The following PCCA variants were observed in gnomAD, a reference collection of about 807,000 sequenced individuals.
PCCA encodes the protein propionyl-CoA carboxylase alpha chain, mitochondrial.
In PCCA, 74 loss-of-function variants were observed where a neutral mutation model predicts 101.3. The ratio of observed to expected loss-of-function variants is 0.73; its 90% CI spans 0.61 to 0.89. The LOEUF is 0.89. Among genes scored for constraint, PCCA ranks in the 40% least tolerant of loss-of-function variants. PCCA has a pLI of 0.00. For synonymous variants in PCCA, 294 were observed against 313.6 expected (o/e 0.94, Z 0.66); for missense variants, 891 against 907.0 (o/e 0.98, Z 0.23).
rs965243149 is a variant in PCCA, at chr13:100,330,622, A to G, written c.1491A>G (p.Gly497=). Residue 497 remains glycine, a synonymous_variant, in exon 17 of 24, where the codon GGA becomes GGG. Coordinates refer to ENST00000376285, the MANE Select transcript of PCCA (RefSeq NM_000282.4). ...TAATCAACTCACGCTTTGTAAAAGG[A>G]GACATCAGCACTAAATTTCTCTCCG... The part of the protein sequence containing the change: ...EVIINSRFVK[G]DISTKFLSDV... 22 of 1,613,012 alleles carry G rather than the reference A, an allele frequency of 1.4e-5. No individual in the cohort carries two copies. Among genetic ancestry groups the G allele is most frequent in the Non-Finnish European group, 1.8e-5 (21 of 1,179,158 alleles).
chr13:100,261,350 T>G (rs1457990794), intron 9 of PCCA, among the ~76,000 whole-genome samples: 2 of 150,722 alleles, frequency 1.3e-5, no homozygotes, highest in African/African-American at 4.9e-5. Flanking sequence ...AAGTTTGGGT[T>G]TTTTTTTTAA....
intron 21 of PCCA, among the ~76,000 whole-genome samples, chr13:100,459,027 G>T (rs1370763949): frequency 6.6e-6 from 1 of 152,150 alleles, no homozygotes; most frequent in Non-Finnish European, 1.5e-5. Flanking sequence ...GGGAGGGTCT[G>T]TTCTGTGCCT....
chr13:100,198,750 C>T (rs1250074734), intron 6 of PCCA, among the ~76,000 whole-genome samples: 2 of 151,928 alleles, frequency 1.3e-5, no homozygotes, highest in African/African-American at 2.4e-5. Flanking sequence ...CTGCCCGCCT[C>T]GGCCTCCCAA....
intron 4 of PCCA, among the ~76,000 whole-genome samples, chr13:100,125,441 A>C (rs2049865912): frequency 6.6e-6 from 1 of 152,178 alleles, no homozygotes; most frequent in South Asian, 2.1e-4. Flanking sequence ...TACTGCATTT[A>C]ATGGGAAGGG....
At chr13:100,125,145 G>A (rs2049832010) in intron 4 of PCCA, among the ~76,000 whole-genome samples, 1 of 151,870 alleles carries the variant, frequency 6.6e-6, no homozygotes, top group South Asian at 2.1e-4. Flanking sequence ...TTGTGTGTGT[G>A]TGTGTGTGTG....
chr13:100,438,777 C>T (rs2080127922), intron 20 of PCCA, among the ~76,000 whole-genome samples: 1 of 151,810 alleles, frequency 6.6e-6, no homozygotes, highest in African/African-American at 2.4e-5. Flanking sequence ...TTGCCTTATT[C>T]TTTGGTTTCT....
intron 12 of PCCA, among the ~76,000 whole-genome samples, chr13:100,277,878 A>G (rs1343352960): frequency 6.6e-6 from 1 of 152,234 alleles, no homozygotes; most frequent in African/African-American, 2.4e-5. Context: ...AGTTAAAAAC[A>G]TTGCTGTATT....
intron 22 of PCCA, 66 bp from the exon 23 acceptor site, chr13:100,527,609 T>G: frequency 9.2e-7 from 1 of 1,083,256 alleles, no homozygotes. Context: ...TCTTAATGGC[T>G]TCATTCCTAA....
rs376627560 is a variant in PCCA, at chr13:100,384,864, T to C, written c.1746+16290T>C. On this transcript the variant is annotated intron_variant, in intron 19 of 23. Coordinates refer to ENST00000376285, the MANE Select transcript of PCCA (RefSeq NM_000282.4). ...GAGCATTTTAAAGAGAATACTACAGTACCATTAGGGGTTTATAATAAAGGA... is the reference window on the plus strand; with the variant it reads ...GAGCATTTTAAAGAGAATACTACAGCACCATTAGGGGTTTATAATAAAGGA... Among the ~76,000 whole-genome samples, 165 of 152,266 alleles carry C rather than the reference T, an allele frequency of 1.1e-3. 6 individuals are homozygous for C. In the South Asian group the frequency reaches 0.031, roughly 29 times the overall value.
chr13:100,292,219 AT>A (rs906735367), intron 12 of PCCA, among the ~76,000 whole-genome samples: 56 of 152,332 alleles, frequency 3.7e-4, no homozygotes, highest in African/African-American at 1.3e-3. Context: ...GAGATTCAAA[AT>A]TGTAAAATGT....
At chr13:100,347,949 G>A (rs2072538870) in intron 18 of PCCA, among the ~76,000 whole-genome samples, 1 of 152,060 alleles carries the variant, frequency 6.6e-6, no homozygotes. Context: ...TCTTCTTCAG[G>A]AAGCATAATC....
intron 22 of PCCA, among the ~76,000 whole-genome samples, chr13:100,524,873 A>G (rs1293908468): frequency 6.6e-6 from 1 of 152,152 alleles, no homozygotes; most frequent in African/African-American, 2.4e-5. Flanking sequence ...TTCTGTCTCT[A>G]AGATAGATAG....
At position 100,330,672 on chromosome 13, in the gene PCCA, G is replaced by C. The variant is rs199604072; in HGVS notation, c.1540+1G>C. On this transcript the variant is annotated splice_donor_variant, in intron 17 of 23. Coordinates refer to ENST00000376285, the MANE Select transcript of PCCA (RefSeq NM_000282.4). LOFTEE classifies it high-confidence loss of function. ...GATGTGTATCCTGATGGCTTCAAAG[G>C]TTTGTATGCATTAAAATATTTTAGT... is the stretch of plus-strand genomic sequence containing the variant. 6 of 1,505,868 alleles carry C rather than the reference G, an allele frequency of 4.0e-6. No homozygotes were observed. The highest frequency in any genetic ancestry group is 2.7e-5 in the African/African-American group (2 of 72,884). The allele number at this position is 1,505,868 out of a possible 1,614,324, so 93.3% of individuals were successfully genotyped here. A position where few individuals can be genotyped will look rare whatever the true frequency, so the allele number is the denominator to read the frequency against.
chr13:100,280,027 G>T (rs1454287977), intron 12 of PCCA, among the ~76,000 whole-genome samples: 14 of 106,866 alleles, frequency 1.3e-4, no homozygotes, highest in African/African-American at 3.9e-4. Context: ...TTTTTTTTTT[G>T]GTAACAGAAA....
intron 16 of PCCA, among the ~76,000 whole-genome samples, chr13:100,318,809 T>A (rs533781959): frequency 1.4e-3 from 210 of 152,294 alleles, no homozygotes; most frequent in Admixed American, 2.9e-3. Context: ...GCATGTGTCT[T>A]TATAGCAGCA....
chr13:100,473,235 C>T (rs537484044), intron 21 of PCCA: 2 of 152,230 alleles, frequency 1.3e-5, no homozygotes, highest in African/African-American at 2.4e-5. Flanking sequence ...GGGCCACCGC[C>T]GTGCCTTCCC....
intron 21 of PCCA, among the ~76,000 whole-genome samples, chr13:100,455,798 C>A (rs1157950484): frequency 6.6e-6 from 1 of 152,062 alleles, no homozygotes; most frequent in Admixed American, 6.6e-5. Flanking sequence ...CTCCTGGGTT[C>A]AAGCAATTCT....
intron 21 of PCCA, among the ~76,000 whole-genome samples, chr13:100,508,323 C>T (rs2086235049): frequency 1.3e-5 from 2 of 152,112 alleles, no homozygotes; most frequent in Non-Finnish European, 2.9e-5. Flanking sequence ...CTTCCCACTC[C>T]TATTTGTGTT....
intron 4 of PCCA, among the ~76,000 whole-genome samples, chr13:100,129,362 G>A (rs1191116998): frequency 6.6e-6 from 1 of 152,148 alleles, no homozygotes; most frequent in Non-Finnish European, 1.5e-5. Flanking sequence ...TTGTTTGATA[G>A]CGAATGCTTT....
Sources: allele counts gnomAD v4.1 joint callset (sites outside exome capture counted in the v4.1 genomes callset), GRCh38; gene constraint gnomAD v4.1.1; transcripts MANE v1.5; gene names NCBI Gene and HGNC (gene_info 2026-07-23, HGNC 2026-07-21).